The following FRS2 variants were observed in gnomAD, a reference collection of about 807,000 sequenced individuals.
The protein encoded by FRS2 is fibroblast growth factor receptor substrate 2.
A neutral mutation model predicts 43.9 loss-of-function variants in FRS2; 8 were observed. That is an observed-to-expected ratio of 0.18 (90% confidence interval 0.11 to 0.33). FRS2 has a LOEUF of 0.33. Ranked by LOEUF, FRS2 falls within the 10% of genes least tolerant of loss-of-function variation. The pLI is 1.00. For synonymous variants in FRS2, 219 were observed against 220.3 expected (o/e 0.99, Z 0.05); for missense variants, 534 against 627.6 (o/e 0.85, Z 1.59).
chr12:69,491,865 C>T (rs916782075), intron 1 of FRS2, among the ~76,000 whole-genome samples: 1 of 152,098 alleles, frequency 6.6e-6, no homozygotes, highest in African/African-American at 2.4e-5. Context: ...CGTGCAAGTA[C>T]TTTAAAATTA....
intron 5 of FRS2, among the ~76,000 whole-genome samples, chr12:69,570,106 A>G (rs1473426403): frequency 1.3e-5 from 2 of 152,292 alleles, no homozygotes; most frequent in Non-Finnish European, 1.5e-5. Context: ...TCAATTAATC[A>G]TACACTTTTG....
At chr12:69,565,575 T>C (rs185475701) in intron 4 of FRS2, among the ~76,000 whole-genome samples, 1 of 152,174 alleles carries the variant, frequency 6.6e-6, no homozygotes, top group Non-Finnish European at 1.5e-5. Flanking sequence ...TTTTTTTCTG[T>C]TTTTAAAATT....
In FRS2 at chr12:69,489,501, C is replaced by CT. The variant is rs556418717; in HGVS notation, c.-261+18972dup. ...CCTGGGCAACATGGTGAAATGCCGTCTCTACTAAAAATACAAAAATTGGCT... is the reference window on the plus strand; with the variant it reads ...CCTGGGCAACATGGTGAAATGCCGTCTTCTACTAAAAATACAAAAATTGGCT... On this transcript the variant is annotated intron_variant, in intron 1 of 8. Coordinates refer to ENST00000549921, the MANE Select transcript of FRS2 (RefSeq NM_001278356.2). Among the ~76,000 whole-genome samples, 427 of 152,108 alleles carry CT rather than the reference C, an allele frequency of 2.8e-3. 2 individuals carry two copies. The highest frequency in any genetic ancestry group is 3.8e-3 in the Non-Finnish European group (256 of 67,970).
At chr12:69,500,039 C>G (rs1873295418) in intron 1 of FRS2, among the ~76,000 whole-genome samples, 1 of 152,076 alleles carries the variant, frequency 6.6e-6, no homozygotes, top group Admixed American at 6.5e-5. Context: ...GACTCTTTTC[C>G]TTAAATACAT....
intron 3 of FRS2, among the ~76,000 whole-genome samples, chr12:69,558,461 C>G (rs1879617203): frequency 6.6e-6 from 1 of 152,160 alleles, no homozygotes; most frequent in Non-Finnish European, 1.5e-5. Context: ...TCTTTCCTAC[C>G]TATCTCCTAA....
chr12:69,532,015 A>C lies in FRS2; in HGVS notation c.-163A>C, dbSNP rs1178863963. The C allele has an allele frequency of 6.6e-6, 1 of 152,616 alleles. No homozygotes were observed. The highest frequency in any genetic ancestry group is 1.5e-5 in the Non-Finnish European group (1 of 68,038). 9.5% of individuals were successfully genotyped at this position (152,616 alleles called of 1,614,324 possible). A position where few individuals can be genotyped will look rare whatever the true frequency, so the allele number is the denominator to read the frequency against. ...ACTTTCTACCTGAAATTTTTTTAGG[A>C]ACAAAATTGTATCTGTTTTTCTCAG... On this transcript the variant is annotated splice_region_variant and 5_prime_UTR_variant, in exon 3 of 9. Coordinates refer to ENST00000549921, the MANE Select transcript of FRS2 (RefSeq NM_001278356.2).
chr12:69,546,282 G>A (rs1262301036), intron 3 of FRS2, among the ~76,000 whole-genome samples: 3 of 151,886 alleles, frequency 2.0e-5, no homozygotes, highest in African/African-American at 7.3e-5. Flanking sequence ...TTTGGAGACA[G>A]AGTCTCGCTG....
At chr12:69,476,743 G>A (rs1218833294) in intron 1 of FRS2, among the ~76,000 whole-genome samples, 2 of 143,114 alleles carry the variant, frequency 1.4e-5, no homozygotes, top group East Asian at 4.2e-4. Context: ...AGGCGGCTGT[G>A]GGGGAGGGAC....
Position 69,578,233 on chromosome 12 carries a change from TAGACATACCATCAG to T in FRS2, c.*3285_*3298del, listed in dbSNP as rs1466097606. 1.3e-5 allele frequency: 2 copies of T among 152,608 alleles called. No individual in the cohort carries two copies. Among genetic ancestry groups the T allele is most frequent in the Non-Finnish European group, 2.9e-5 (2 of 68,026 alleles). 9.5% of individuals were successfully genotyped at this position (152,608 alleles called of 1,614,324 possible). A position where few individuals can be genotyped will look rare whatever the true frequency, so the allele number is the denominator to read the frequency against. ...TGTATAAATACATATATTCTTGAAA[TAGACATACCATCAG>T]AGACATCATTCACAAGTAACTGATG... On this transcript the variant is annotated 3_prime_UTR_variant, in exon 9 of 9. Coordinates refer to ENST00000549921, the MANE Select transcript of FRS2 (RefSeq NM_001278356.2).
chr12:69,517,165 T>G (rs1365313262), intron 1 of FRS2, among the ~76,000 whole-genome samples: 1 of 152,238 alleles, frequency 6.6e-6, no homozygotes, highest in Non-Finnish European at 1.5e-5. Flanking sequence ...ATGATAGTGC[T>G]AAACCACCAC....
chr12:69,491,285 G>A (rs1440423538), intron 1 of FRS2, among the ~76,000 whole-genome samples: 1 of 151,928 alleles, frequency 6.6e-6, no homozygotes, highest in Non-Finnish European at 1.5e-5. Context: ...TTATAAAGAC[G>A]AGGTTTTGCC....
chr12:69,470,446 A>G lies in FRS2; in HGVS notation c.-345A>G, dbSNP rs1870145018. ...CAGCGGCTGAGACTCGATCTGCTCC[A>G]AGTAGGGGCTCCAGCGCGGGTCGGA... is the stretch of plus-strand genomic sequence containing the variant. On this transcript the variant is annotated 5_prime_UTR_variant, in exon 1 of 9. Transcript: ENST00000549921. 2.5e-6 allele frequency: 1 copy of G among 398,378 alleles called. No homozygotes were observed. Among genetic ancestry groups the G allele is most frequent in the African/African-American group, 2.1e-5 (1 of 48,590 alleles). The allele number at this position is 398,378 out of a possible 1,614,324, so 24.7% of individuals were successfully genotyped here.
At chr12:69,516,772 G>A (rs1279553666) in intron 1 of FRS2, among the ~76,000 whole-genome samples, 1 of 151,952 alleles carries the variant, frequency 6.6e-6, no homozygotes, top group Non-Finnish European at 1.5e-5. Context: ...TTTTAATCCA[G>A]TACTAGCTGT....
intron 4 of FRS2, among the ~76,000 whole-genome samples, chr12:69,563,018 A>G (rs886744848): frequency 2.0e-5 from 3 of 152,078 alleles, no homozygotes; most frequent in Non-Finnish European, 4.4e-5. Flanking sequence ...AATGTACCCT[A>G]CTTACTTTTG....
At chr12:69,520,181 T>G (rs1006037763) in intron 1 of FRS2, among the ~76,000 whole-genome samples, 2 of 152,258 alleles carry the variant, frequency 1.3e-5, no homozygotes, top group Admixed American at 6.5e-5. Context: ...TTTTTTCATA[T>G]GCTTGTTGGC....
Position 69,578,919 on chromosome 12 carries a change from A to G in FRS2, c.*3964A>G, listed in dbSNP as rs1669292187. ...TTAATTTCTTTTATAAACATTCCATATTTCTCTAATAAAAAGACATAAGTG... is the reference window on the plus strand; with the variant it reads ...TTAATTTCTTTTATAAACATTCCATGTTTCTCTAATAAAAAGACATAAGTG... On this transcript the variant is annotated 3_prime_UTR_variant, in exon 9 of 9. Transcript: ENST00000549921. The G allele has an allele frequency of 6.6e-6, 1 of 152,612 alleles. No individual in the cohort carries two copies. The highest frequency in any genetic ancestry group is 2.4e-5 in the African/African-American group (1 of 41,438). The allele number at this position is 152,612 out of a possible 1,614,324, so 9.5% of individuals were successfully genotyped here. A position where few individuals can be genotyped will look rare whatever the true frequency, so the allele number is the denominator to read the frequency against.
chr12:69,530,198 G>C, intron 1 of FRS2, among the ~76,000 whole-genome samples: 1 of 150,024 alleles, frequency 6.7e-6, no homozygotes, highest in South Asian at 2.1e-4. Context: ...AACAATTAAT[G>C]ATAATAATTG....
At chr12:69,516,830 A>G (rs536665682) in intron 1 of FRS2, among the ~76,000 whole-genome samples, 6 of 152,304 alleles carry the variant, frequency 3.9e-5, no homozygotes, top group East Asian at 3.9e-4. Flanking sequence ...ATATTCTTCT[A>G]TTCTGCCACT....
intron 3 of FRS2, among the ~76,000 whole-genome samples, chr12:69,541,435 C>T (rs186549304): frequency 6.6e-6 from 1 of 152,110 alleles, no homozygotes; most frequent in East Asian, 1.9e-4. Context: ...CTGAAGGAAG[C>T]GTGTGTATGT....
Sources: gnomAD v4.1 joint callset for allele counts (sites outside exome capture counted in the v4.1 genomes callset) on GRCh38, gnomAD v4.1.1 for gene constraint, MANE v1.5 for transcripts, NCBI Gene and HGNC (gene_info 2026-07-23, HGNC 2026-07-21) for gene names.